KIF6: variants seen among roughly 807,000 people sequenced by gnomAD.
The protein encoded by KIF6 is kinesin-like protein KIF6.
In KIF6, 106 loss-of-function variants were observed where a neutral mutation model predicts 112.7. The ratio of observed to expected loss-of-function variants is 0.94; its 90% CI spans 0.80 to 1.11. KIF6 has a LOEUF of 1.11. Ranked by LOEUF, KIF6 falls within the 50% of genes least tolerant of loss-of-function variation. The probability of loss-of-function intolerance (pLI) is 0.00; values close to 1 mark genes in which losing one functional copy is unlikely to be tolerated. For missense variants in KIF6, 929 were observed against 964.0 expected, an observed-to-expected ratio of 0.96 and a Z score of 0.48; for synonymous variants, 339 against 339.9, an observed-to-expected ratio of 1.00 and a Z score of 0.03.
At chr6:39,632,674 T>C (rs1023502933) in intron 5 of KIF6, among the ~76,000 whole-genome samples, 4 of 152,034 alleles carry the variant, frequency 2.6e-5, no homozygotes, top group Non-Finnish European at 2.9e-5. Flanking sequence ...AACTAGCAGA[T>C]TCAATACCAG....
chr6:39,515,836 G>A (rs1447338651), intron 13 of KIF6, among the ~76,000 whole-genome samples: 4 of 152,176 alleles, frequency 2.6e-5, no homozygotes. Flanking sequence ...TAAATCGACT[G>A]TGAGATATCA....
chr6:39,714,181 C>T (rs925202310), intron 3 of KIF6, among the ~76,000 whole-genome samples: 25 of 152,156 alleles, frequency 1.6e-4, no homozygotes, highest in African/African-American at 6.0e-4. Flanking sequence ...TAGTAGTCAG[C>T]AGCCTAGAAT....
chr6:39,476,911 T>C (rs1774459603), intron 13 of KIF6, among the ~76,000 whole-genome samples: 1 of 152,214 alleles, frequency 6.6e-6, no homozygotes, highest in Admixed American at 6.5e-5. Context: ...TAATTTAAGA[T>C]TTATAGCTTC....
In KIF6 at chr6:39,584,946, T is replaced by C. The variant is rs767537991; in HGVS notation, c.1029A>G (p.Ala343=). The change falls in exon 9 of 23, where the codon GCA becomes GCG. Residue 343 remains alanine (A), a synonymous_variant. Transcript: ENST00000287152. ...TAAGAACAGCTTCATTCTTTATGAG[T>C]GCCACTCGCTGTGCAAATCTGCAGG... ...ISTCRFAQRV[A]LIKNEAVLNE... 6.2e-7 allele frequency: 1 copy of C among 1,612,458 alleles called. No homozygotes were observed. Among genetic ancestry groups the C allele is most frequent in the Non-Finnish European group, 8.5e-7 (1 of 1,178,738 alleles).
intron 22 of KIF6, among the ~76,000 whole-genome samples, chr6:39,337,172 C>CTTCCTTCCTTTCT (rs1554195076): frequency 1.7e-5 from 1 of 59,504 alleles, no homozygotes; most frequent in Non-Finnish European, 2.9e-5. Flanking sequence ...TCTTTCCTTC[C>CTTCCTTCCTTTCT]TTCTTTCTTT....
At chr6:39,613,080 G>T in intron 6 of KIF6, 109 bp downstream of exon 6, 1 of 798,878 alleles carries the variant, frequency 1.3e-6, no homozygotes, top group Non-Finnish European at 1.8e-6. Context: ...TTATTTTTAA[G>T]GTCATTGTTG....
At chr6:39,536,799 T>C (rs1024539749) in intron 13 of KIF6, among the ~76,000 whole-genome samples, 4 of 152,130 alleles carry the variant, frequency 2.6e-5, no homozygotes, top group African/African-American at 9.7e-5. Flanking sequence ...TGATGAACAT[T>C]GATGCAAAAA....
intron 13 of KIF6, among the ~76,000 whole-genome samples, chr6:39,532,912 T>A (rs1326780351): frequency 6.6e-6 from 1 of 152,208 alleles, no homozygotes; most frequent in Non-Finnish European, 1.5e-5. Flanking sequence ...GTCACCTGAG[T>A]GCACATCATG....
At position 39,428,905 on chromosome 6, in the gene KIF6, T is replaced by A. The variant is rs534573666; in HGVS notation, c.1754+2148A>T. On this transcript the variant is annotated intron_variant, in intron 14 of 22. Coordinates refer to ENST00000287152, the MANE Select transcript of KIF6 (RefSeq NM_145027.6). ...TCCCCAGTGATGGATACTCAGCATG[T>A]TTCCAACTCTCCTTGGCCATGAATA... 4.6e-5 allele frequency among the ~76,000 whole-genome samples: 7 copies of A among 152,362 alleles called. No individual in the cohort carries two copies. The East Asian group carries it at 1.4e-3, about 29-fold the overall frequency.
rs563061426 is a variant in KIF6 at position 39,350,800 on chromosome 6, C to T, written c.2181-4274G>A. Among the ~76,000 whole-genome samples, 128 of 152,314 alleles carry T rather than the reference C, an allele frequency of 8.4e-4. 1 individual carries two copies. The highest frequency in any genetic ancestry group is 6.8e-3 in the Middle Eastern group (2 of 294). ...AGAGCTCTTCCTTTCCAGTCTCTGG[C>T]GGGGTTACTTTTCCTCTCACCTGCC... is the stretch of plus-strand genomic sequence containing the variant. On this transcript the variant is annotated intron_variant, in intron 19 of 22. Transcript: ENST00000287152.
At chr6:39,353,962 AG>A in intron 19 of KIF6, 1 of 508,406 alleles carries the variant, frequency 2.0e-6, no homozygotes. Context: ...ACTGCTACTG[AG>A]GGCACACTGA....
At chr6:39,676,935 A>G (rs1787176840) in intron 3 of KIF6, among the ~76,000 whole-genome samples, 2 of 152,100 alleles carry the variant, frequency 1.3e-5, no homozygotes, top group Non-Finnish European at 2.9e-5. Flanking sequence ...AAACTTGAAT[A>G]AAAGTAAAAA....
chr6:39,564,661 A>G (rs1780187680), intron 10 of KIF6, among the ~76,000 whole-genome samples: 1 of 152,174 alleles, frequency 6.6e-6, no homozygotes, highest in Non-Finnish European at 1.5e-5. Flanking sequence ...TAGTTTCATG[A>G]GGTATCTTAC....
intron 13 of KIF6, among the ~76,000 whole-genome samples, chr6:39,462,687 T>A (rs1458648005): frequency 6.6e-6 from 1 of 152,116 alleles, no homozygotes; most frequent in Non-Finnish European, 1.5e-5. Flanking sequence ...ATATCTGAAA[T>A]GAGAGGCCCA....
intron 3 of KIF6, among the ~76,000 whole-genome samples, chr6:39,663,945 T>C (rs141543021): frequency 1.9e-3 from 281 of 151,750 alleles, no homozygotes; most frequent in Non-Finnish European, 3.4e-3. Context: ...AGCAGATAAA[T>C]AAGCCAATAA....
chr6:39,557,645 A>G (rs1779776801), intron 10 of KIF6, among the ~76,000 whole-genome samples: 1 of 152,120 alleles, frequency 6.6e-6, no homozygotes, highest in South Asian at 2.1e-4. Flanking sequence ...ATATACAGAG[A>G]CAACCAACAA....
chr6:39,722,103 T>G (rs989503304), intron 1 of KIF6, among the ~76,000 whole-genome samples: 1 of 152,154 alleles, frequency 6.6e-6, no homozygotes, highest in Admixed American at 6.5e-5. Flanking sequence ...TGGCTAGGTT[T>G]TCTCAAGAGA....
chr6:39,645,401 A>T (rs2150778730), intron 3 of KIF6, among the ~76,000 whole-genome samples: 1 of 152,224 alleles, frequency 6.6e-6, no homozygotes, highest in African/African-American at 2.4e-5. Context: ...TCCAAGTAGA[A>T]GATTGTCTGG....
intron 16 of KIF6, among the ~76,000 whole-genome samples, chr6:39,377,792 T>C (rs543816751): frequency 6.6e-6 from 1 of 152,178 alleles, no homozygotes; most frequent in African/African-American, 2.4e-5. Context: ...CTGCCTGATT[T>C]CCCGGGTCAG....
Sources: gnomAD v4.1 joint callset for allele counts (sites outside exome capture counted in the v4.1 genomes callset) on GRCh38, gnomAD v4.1.1 for gene constraint, MANE v1.5 for transcripts, NCBI Gene and HGNC (gene_info 2026-07-23, HGNC 2026-07-21) for gene names.